The following NRG3 variants were observed in gnomAD, a reference collection of about 807,000 sequenced individuals.
NRG3 encodes pro-neuregulin-3, membrane-bound isoform.
Under a neutral mutation model 66.9 loss-of-function variants are expected in NRG3, and 31 were observed. The ratio of observed to expected loss-of-function variants is 0.46; its 90% CI spans 0.35 to 0.63. The LOEUF (loss-of-function observed/expected upper bound fraction) is 0.63, where lower values mean the gene tolerates loss of function less well. Among genes scored for constraint, NRG3 ranks in the 20% least tolerant of loss-of-function variants. NRG3 has a pLI of 0.00. For synonymous variants in NRG3, 393 were observed against 359.4 expected (o/e 1.09, Z -1.06); for missense variants, 910 against 878.9 (o/e 1.04, Z -0.45).
At chr10:82,387,776 A>T (rs2086103725) in intron 2 of NRG3, among the ~76,000 whole-genome samples, 1 of 152,226 alleles carries the variant, frequency 6.6e-6, no homozygotes, top group Admixed American at 6.5e-5. Flanking sequence ...TCATGATTAA[A>T]TCAAAATAAG....
intron 1 of NRG3, among the ~76,000 whole-genome samples, chr10:82,183,441 G>GTGAATT (rs1343290761): frequency 6.6e-6 from 1 of 151,874 alleles, no homozygotes. Context: ...AACCATTCTA[G>GTGAATT]TGAATTTTTC....
At chr10:82,771,789 A>G (rs2059720598) in intron 3 of NRG3, among the ~76,000 whole-genome samples, 1 of 152,084 alleles carries the variant, frequency 6.6e-6, no homozygotes. Context: ...CAAGCAAACA[A>G]ACAATAAAAG....
intron 1 of NRG3, among the ~76,000 whole-genome samples, chr10:82,255,425 T>C (rs939018803): frequency 4.6e-5 from 7 of 152,170 alleles, no homozygotes; most frequent in Non-Finnish European, 8.8e-5. Context: ...GTTGATAACT[T>C]CCTATCAATA....
intron 2 of NRG3, among the ~76,000 whole-genome samples, chr10:82,548,331 C>G (rs1423775712): frequency 6.6e-6 from 1 of 151,998 alleles, no homozygotes; most frequent in East Asian, 1.9e-4. Context: ...AGGCAATAAT[C>G]TCGTGCCAGA....
chr10:82,028,354 CTT>C (rs1419661920), intron 1 of NRG3, among the ~76,000 whole-genome samples: 1 of 152,210 alleles, frequency 6.6e-6, no homozygotes, highest in African/African-American at 2.4e-5. Flanking sequence ...GCATTCCTAA[CTT>C]ATATACTTTG....
intron 1 of NRG3, among the ~76,000 whole-genome samples, chr10:82,090,498 CCAA>C (rs1257292345): frequency 1.3e-5 from 2 of 152,120 alleles, no homozygotes; most frequent in African/African-American, 4.8e-5. Context: ...AACATATATG[CCAA>C]CAACTGAAAA....
At chr10:82,444,166 A>G (rs1268221411) in intron 2 of NRG3, among the ~76,000 whole-genome samples, 1 of 152,196 alleles carries the variant, frequency 6.6e-6, no homozygotes, top group Non-Finnish European at 1.5e-5. Flanking sequence ...GCAGTGGCAC[A>G]ATATCAGCTC....
In NRG3 at chr10:82,766,312, G is replaced by A. The variant is rs192659034; in HGVS notation, c.1027+27662G>A. Among the ~76,000 whole-genome samples, 209 of 152,156 alleles carry A rather than the reference G, an allele frequency of 1.4e-3. 2 individuals carry two copies. Among genetic ancestry groups the A allele is most frequent in the African/African-American group, 1.3e-3 (52 of 41,526 alleles). ...TCTTGGCTCTTAGGAGGGCCTTCTC[G>A]TCTTTATTGTGATGCTGACATGTGA... On this transcript the variant is annotated intron_variant, in intron 3 of 8. Coordinates refer to ENST00000372141, the MANE Select transcript of NRG3 (RefSeq NM_001010848.4).
At chr10:81,908,397 A>G (rs548131544) in intron 1 of NRG3, among the ~76,000 whole-genome samples, 57 of 152,316 alleles carry the variant, frequency 3.7e-4, no homozygotes, top group African/African-American at 7.5e-4. Context: ...GGGAATGTCT[A>G]TACCTTTCAT....
At chr10:82,465,787 G>A (rs547244234) in intron 2 of NRG3, among the ~76,000 whole-genome samples, 4 of 152,298 alleles carry the variant, frequency 2.6e-5, no homozygotes, top group African/African-American at 9.6e-5. Context: ...GTGGGGTAGA[G>A]CCATCATGTT....
At chr10:82,404,235 A>G (rs1043460979) in intron 2 of NRG3, among the ~76,000 whole-genome samples, 2 of 152,136 alleles carry the variant, frequency 1.3e-5, no homozygotes, top group African/African-American at 4.8e-5. Flanking sequence ...GTAAGACTGC[A>G]TTGCTCACCC....
intron 2 of NRG3, among the ~76,000 whole-genome samples, chr10:82,620,278 G>A (rs543471509): frequency 1.6e-4 from 25 of 152,240 alleles, no homozygotes; most frequent in African/African-American, 5.3e-4. Flanking sequence ...AGCCTTTTTT[G>A]GGTACCTACA....
chr10:82,285,713 G>T (rs1409346215), intron 1 of NRG3, among the ~76,000 whole-genome samples: 1 of 152,164 alleles, frequency 6.6e-6, no homozygotes, highest in African/African-American at 2.4e-5. Context: ...GCCACTGGCT[G>T]CTTTCTTCTC....
intron 1 of NRG3, among the ~76,000 whole-genome samples, chr10:82,060,471 A>C (rs1383789012): frequency 6.6e-6 from 1 of 152,288 alleles, no homozygotes; most frequent in East Asian, 1.9e-4. Context: ...GTTCTCCCTA[A>C]GAGTAGTAAT....
At chr10:81,942,186 T>G (rs1188194671) in intron 1 of NRG3, among the ~76,000 whole-genome samples, 2 of 152,102 alleles carry the variant, frequency 1.3e-5, no homozygotes, top group African/African-American at 2.4e-5. Flanking sequence ...AACCCAGAAT[T>G]CAAATTTCTA....
At chr10:82,102,041 A>G (rs961995409) in intron 1 of NRG3, among the ~76,000 whole-genome samples, 6 of 145,110 alleles carry the variant, frequency 4.1e-5, no homozygotes. Flanking sequence ...ATATGCACAT[A>G]TAAATGTAAT....
At chr10:82,827,718 A>T (rs1257220583) in intron 3 of NRG3, among the ~76,000 whole-genome samples, 1 of 152,212 alleles carries the variant, frequency 6.6e-6, no homozygotes, top group Non-Finnish European at 1.5e-5. Flanking sequence ...ATTCACTCGA[A>T]GCAGAGATAT....
At chr10:82,715,320 C>T (rs143642556) in intron 2 of NRG3, among the ~76,000 whole-genome samples, 32 of 152,282 alleles carry the variant, frequency 2.1e-4, no homozygotes, top group Non-Finnish European at 4.6e-4. Context: ...GTCCCTTGAA[C>T]CCGGAGGCAG....
rs141575167 is a variant in NRG3 at position 81,983,074 on chromosome 10, A to G, written c.823+106911A>G. On this transcript the variant is annotated intron_variant, in intron 1 of 8. Coordinates refer to ENST00000372141, the MANE Select transcript of NRG3 (RefSeq NM_001010848.4). ...AGACTGTGTCCATGGTTAGGTGGAG[A>G]TGCTGATGGGTTTCGGCTCTCAGAC... is the stretch of plus-strand genomic sequence containing the variant. Among the ~76,000 whole-genome samples the G allele has an allele frequency of 7.5e-3, 1,135 of 152,196 alleles. 9 individuals are homozygous for G. The highest frequency in any genetic ancestry group is 0.01 in the Middle Eastern group (3 of 294).
Sources: gnomAD v4.1 joint callset for allele counts (sites outside exome capture counted in the v4.1 genomes callset) on GRCh38, gnomAD v4.1.1 for gene constraint, MANE v1.5 for transcripts, NCBI Gene and HGNC (gene_info 2026-07-23, HGNC 2026-07-21) for gene names.